The following PJA2 variants were observed in gnomAD, a reference collection of about 807,000 sequenced individuals.
PJA2 encodes the protein E3 ubiquitin-protein ligase Praja-2.
Under a neutral mutation model 69.3 loss-of-function variants are expected in PJA2, and 25 were observed. The observed-to-expected ratio is 0.36, with a 90% confidence interval of 0.26 to 0.50. The LOEUF (loss-of-function observed/expected upper bound fraction) is 0.50. Among genes scored for constraint, PJA2 ranks in the 20% least tolerant of loss-of-function variants. The pLI is 0.96. For missense variants in PJA2, 809 were observed against 830.2 expected (o/e 0.97, Z 0.31); for synonymous variants, 308 against 277.8 (o/e 1.11, Z -1.08).
chr5:109,373,177 T>C (rs1582608907), intron 4 of PJA2, among the ~76,000 whole-genome samples: 1 of 151,892 alleles, frequency 6.6e-6, no homozygotes, highest in Admixed American at 6.6e-5. Flanking sequence ...AGACAGTGGG[T>C]ATGGAAAACT....
chr5:109,347,914 G>T (rs1236531317), intron 7 of PJA2, among the ~76,000 whole-genome samples: 1 of 152,080 alleles, frequency 6.6e-6, no homozygotes, highest in Non-Finnish European at 1.5e-5. Context: ...TCTCTCTTGG[G>T]ACTGAACTCA....
intron 1 of PJA2, among the ~76,000 whole-genome samples, chr5:109,406,242 G>A (rs916793810): frequency 8.6e-5 from 13 of 152,018 alleles, no homozygotes; most frequent in Non-Finnish European, 2.9e-5. Flanking sequence ...GGGCTTCACC[G>A]TGTTAGCCAG....
At chr5:109,395,959 C>A (rs1747397502) in intron 1 of PJA2, among the ~76,000 whole-genome samples, 1 of 148,080 alleles carries the variant, frequency 6.8e-6, no homozygotes, top group Admixed American at 6.8e-5. Flanking sequence ...GAGAATGCAC[C>A]ACTGCACTCC....
intron 1 of PJA2, 24 bp from the exon 2 acceptor site, chr5:109,383,544 C>A: frequency 1.2e-6 from 1 of 852,578 alleles, no homozygotes; most frequent in Non-Finnish European, 1.8e-6. Context: ...ATGAATTGAA[C>A]AATATATTAA....
At chr5:109,406,847 T>C (rs576954181) in intron 1 of PJA2, among the ~76,000 whole-genome samples, 1 of 152,312 alleles carries the variant, frequency 6.6e-6, no homozygotes, top group Non-Finnish European at 1.5e-5. Context: ...CAAGGACTTC[T>C]ATTCAGCAAT....
chr5:109,376,932 C>T (rs1184457100), intron 4 of PJA2, among the ~76,000 whole-genome samples: 1 of 152,112 alleles, frequency 6.6e-6, no homozygotes, highest in Non-Finnish European at 1.5e-5. Flanking sequence ...AGATCCAGAT[C>T]TGCTTATCCA....
rs944417886 is a variant in PJA2, at chr5:109,334,816, G to T, written c.*2415C>A. 2.0e-5 allele frequency: 3 copies of T among 152,470 alleles called. No individual in the cohort carries two copies. The highest frequency in any genetic ancestry group is 4.4e-5 in the Non-Finnish European group (3 of 68,010). The allele number at this position is 152,470 out of a possible 1,614,324, so 9.4% of individuals were successfully genotyped here. Reference sequence around the variant, plus strand: ...AACCAACCATTACATTTAGACCTGGGCTTTTGAAAAACTTGCATTCCATTT... The same window carrying T: ...AACCAACCATTACATTTAGACCTGGTCTTTTGAAAAACTTGCATTCCATTT... On this transcript the variant is annotated 3_prime_UTR_variant, in exon 10 of 10. Coordinates refer to ENST00000361189, the MANE Select transcript of PJA2 (RefSeq NM_014819.5).
At chr5:109,359,393 G>C (rs775645506) in intron 6 of PJA2, among the ~76,000 whole-genome samples, 2 of 152,196 alleles carry the variant, frequency 1.3e-5, no homozygotes, top group Non-Finnish European at 2.9e-5. Flanking sequence ...TGTTGTTCAA[G>C]AGTCAGCTGT....
intron 1 of PJA2, among the ~76,000 whole-genome samples, chr5:109,402,879 T>G (rs997582017): frequency 2.0e-5 from 3 of 151,698 alleles, no homozygotes; most frequent in African/African-American, 7.3e-5. Context: ...CATAAGAACT[T>G]TAAAAAAAAT....
chr5:109,398,583 G>A (rs1466701445), intron 1 of PJA2, among the ~76,000 whole-genome samples: 1 of 141,890 alleles, frequency 7.0e-6, no homozygotes, highest in African/African-American at 2.6e-5. Flanking sequence ...ACTGAACAAG[G>A]AGAACCCTTG....
intron 1 of PJA2, among the ~76,000 whole-genome samples, chr5:109,387,539 A>C (rs1038086287): frequency 1.3e-5 from 2 of 152,182 alleles, no homozygotes; most frequent in African/African-American, 2.4e-5. Flanking sequence ...ACTGCTCTCT[A>C]CTTGTGACAA....
At chr5:109,381,734 A>G in intron 2 of PJA2, 31 bp from the exon 3 acceptor site, 1 of 1,595,502 alleles carries the variant, frequency 6.3e-7, no homozygotes, top group Non-Finnish European at 8.6e-7. Flanking sequence ...TTAAAACAGG[A>G]ACAGCAATGA....
intron 6 of PJA2, among the ~76,000 whole-genome samples, chr5:109,356,942 C>T (rs1464235452): frequency 6.6e-6 from 1 of 152,116 alleles, no homozygotes; most frequent in African/African-American, 2.4e-5. Flanking sequence ...CGAGATTCCT[C>T]CTTTTCCTCT....
intron 5 of PJA2, among the ~76,000 whole-genome samples, chr5:109,366,511 A>G (rs1237116720): frequency 2.6e-5 from 4 of 152,226 alleles, no homozygotes; most frequent in Non-Finnish European, 4.4e-5. Context: ...AGTCAATTCT[A>G]AAGAGACGTC....
At position 109,353,971 on chromosome 5, in the gene PJA2, G is replaced by T. The variant is rs915927002; in HGVS notation, c.1764+1944C>A. On this transcript the variant is annotated intron_variant, in intron 7 of 9. Coordinates refer to ENST00000361189, the MANE Select transcript of PJA2 (RefSeq NM_014819.5). Reference sequence around the variant, plus strand: ...AGATTAGATGTCTATGATATCTAGAGATATCTATAGATTAGATAGATATCT... The same window carrying T: ...AGATTAGATGTCTATGATATCTAGATATATCTATAGATTAGATAGATATCT... 2.2e-5 allele frequency among the ~76,000 whole-genome samples: 3 copies of T among 135,080 alleles called. 1 individual carries two copies. The highest frequency in any genetic ancestry group is 4.8e-5 in the Non-Finnish European group (3 of 61,940). 88.6% of individuals were successfully genotyped at this position (135,080 alleles called of 152,430 possible). A position where few individuals can be genotyped will look rare whatever the true frequency, so the allele number is the denominator to read the frequency against.
intron 4 of PJA2, among the ~76,000 whole-genome samples, chr5:109,377,283 A>C (rs1335006162): frequency 1.3e-5 from 2 of 152,174 alleles, no homozygotes; most frequent in Non-Finnish European, 2.9e-5. Context: ...CTAACTAAAA[A>C]AAAACCACAC....
rs200663624 is a variant in PJA2, at chr5:109,364,622, C to CAA, written c.1470-1602_1470-1601dup. 7.0e-4 allele frequency among the ~76,000 whole-genome samples: 43 copies of CAA among 61,824 alleles called. 1 individual carries two copies. Among genetic ancestry groups the CAA allele is most frequent in the African/African-American group, 1.7e-3 (32 of 18,356 alleles). The allele number at this position is 61,824 out of a possible 152,430, so 40.6% of individuals were successfully genotyped here. ...TGGGCGACAGAGCGAGACTCTGTCT[C>CAA]AAAAAAAAAAAAAAAAAAATTTCAG... On this transcript the variant is annotated intron_variant, in intron 5 of 9. Transcript: ENST00000361189.
chr5:109,352,045 TGAA>T (rs1448570434), intron 7 of PJA2, among the ~76,000 whole-genome samples: 1 of 152,222 alleles, frequency 6.6e-6, no homozygotes, highest in African/African-American at 2.4e-5. Flanking sequence ...CACTAAAATG[TGAA>T]GAAGCTGATA....
chr5:109,408,029 T>A (rs1747729563), intron 1 of PJA2, among the ~76,000 whole-genome samples: 1 of 152,148 alleles, frequency 6.6e-6, no homozygotes, highest in South Asian at 2.1e-4. Context: ...AAGAATATTT[T>A]CAACAAGAGT....
Sources: gnomAD v4.1 joint callset for allele counts (sites outside exome capture counted in the v4.1 genomes callset) on GRCh38, gnomAD v4.1.1 for gene constraint, MANE v1.5 for transcripts, NCBI Gene and HGNC (gene_info 2026-07-23, HGNC 2026-07-21) for gene names.